The following KCNC4 variants were observed in gnomAD, a reference collection of about 807,000 sequenced individuals.
The protein encoded by KCNC4 is potassium voltage-gated channel subfamily C member 4, also known as voltage-gated potassium channel KCNC4.
KCNC4 carries 23 observed loss-of-function variants against 42.8 expected under a neutral mutation model. The ratio of observed to expected loss-of-function variants is 0.54; its 90% confidence interval spans 0.39 to 0.76. KCNC4 has a LOEUF of 0.76. KCNC4 is among the 30% of genes least tolerant of loss of function. The pLI is 0.00. For missense variants in KCNC4, 751 were observed against 898.2 expected (o/e 0.84, Z 2.10); for synonymous variants, 422 against 393.5 (o/e 1.07, Z -0.86).
At chr1:110,267,215 T>G (rs1659554241) in intron 1 of KCNC4, among the ~76,000 whole-genome samples, 1 of 152,224 alleles carries the variant, frequency 6.6e-6, no homozygotes, top group Admixed American at 6.5e-5. Context: ...GGAGGGCTGC[T>G]GCTGGACTCC....
intron 1 of KCNC4, among the ~76,000 whole-genome samples, chr1:110,281,811 T>C (rs950102517): frequency 1.3e-5 from 2 of 152,194 alleles, no homozygotes; most frequent in Non-Finnish European, 2.9e-5. Flanking sequence ...TTCAATCTCA[T>C]GGATGACTGA....
rs1658179620 is a variant in KCNC4 at position 110,222,952 on chromosome 1, C to T, written c.679-12C>T. 1 of 1,603,488 alleles carries T rather than the reference C, an allele frequency of 6.2e-7. No individual in the cohort carries two copies. Among genetic ancestry groups the T allele is most frequent in the Admixed American group, 1.7e-5 (1 of 59,836 alleles). ...CTGACAGCTGCCCCCTGCTCTCCTC[C>T]CCTGCCCATAGGTAGTGGCCTTTGC... On this transcript the variant is annotated splice_polypyrimidine_tract_variant and intron_variant, in intron 1 of 3. Transcript: ENST00000438661.
rs575591089 is a variant in KCNC4, at chr1:110,210,460, A to G, written c.-1040A>G. On this transcript the variant is annotated 5_prime_UTR_variant, in exon 1 of 4. Coordinates refer to ENST00000438661, the MANE Select transcript of KCNC4 (RefSeq NM_001039574.3). ...GAGCCAAGGCCGGCGCCCCGCCCGG[A>G]GATGGGCAGACGCGTAGATGGCGTG... 1.0e-3 allele frequency among the ~76,000 whole-genome samples: 153 copies of G among 150,922 alleles called. No individual in the cohort carries two copies. The highest frequency in any genetic ancestry group is 3.6e-3 in the African/African-American group (147 of 41,204).
exon 4 of KCNC4, chr1:110,243,502 C>G (rs1216485259): frequency 1.3e-5 from 2 of 152,452 alleles, no homozygotes; most frequent in Non-Finnish European, 2.9e-5. Context: ...GGAGCTGCCC[C>G]AAGTCCTTTC....
chr1:110,230,555 G>A (rs193094758), intron 3 of KCNC4, among the ~76,000 whole-genome samples: 5 of 152,176 alleles, frequency 3.3e-5, no homozygotes, highest in Admixed American at 6.5e-5. Flanking sequence ...AAGTTTCCAC[G>A]GCACCCACCG....
chr1:110,272,678 TATCTTACAGTTA>T (rs1659654244), intron 1 of KCNC4: 1 of 149,430 alleles, frequency 6.7e-6, no homozygotes, highest in Admixed American at 6.8e-5. Context: ...AGTGAATAGG[TATCTTACAGTTA>T]GGGTGAGAGA....
intron 1 of KCNC4, among the ~76,000 whole-genome samples, chr1:110,215,305 G>T (rs891920455): frequency 6.6e-6 from 1 of 152,206 alleles, no homozygotes; most frequent in Non-Finnish European, 1.5e-5. Flanking sequence ...CTGTGGTTCC[G>T]TTTCTGTGGC....
intron 3 of KCNC4, among the ~76,000 whole-genome samples, chr1:110,231,519 T>C (rs1343218533): frequency 6.6e-6 from 1 of 152,108 alleles, no homozygotes. Context: ...TGACTCCTTC[T>C]GTCTCATCCT....
chr1:110,214,762 C>T (rs1353452218), intron 1 of KCNC4, among the ~76,000 whole-genome samples: 1 of 152,224 alleles, frequency 6.6e-6, no homozygotes, highest in Non-Finnish European at 1.5e-5. Context: ...TTGTTTCTTA[C>T]TGTAGCCTGA....
At chr1:110,218,478 C>T (rs749728727) in intron 1 of KCNC4, among the ~76,000 whole-genome samples, 4 of 152,140 alleles carry the variant, frequency 2.6e-5, no homozygotes, top group Non-Finnish European at 5.9e-5. Context: ...ATCCTCCCAC[C>T]CGTTATCTCC....
chr1:110,224,510 T>C (rs889210444), intron 2 of KCNC4: 1 of 152,778 alleles, frequency 6.5e-6, no homozygotes, highest in Non-Finnish European at 1.5e-5. Context: ...ACAAGCTAGA[T>C]TGAGTCCTGG....
intron 1 of KCNC4, among the ~76,000 whole-genome samples, chr1:110,281,172 C>T (rs771354519): frequency 3.3e-5 from 5 of 152,124 alleles, no homozygotes; most frequent in Non-Finnish European, 5.9e-5. Context: ...TGGCTCTGGG[C>T]CAAAGCAATC....
Position 110,210,497 on chromosome 1 carries a change from C to G in KCNC4, c.-1003C>G, listed in dbSNP as rs2100969942. 6.6e-6 allele frequency among the ~76,000 whole-genome samples: 1 copy of G among 151,584 alleles called. No individual in the cohort carries two copies. Among genetic ancestry groups the G allele is most frequent in the Middle Eastern group, 3.4e-3 (1 of 292 alleles). On this transcript the variant is annotated 5_prime_UTR_variant, in exon 1 of 4. Transcript: ENST00000438661. ...GCGTAGATGGCGTGGCTCCCAGCGC[C>G]GCCAGATCGCAGGAACCAGGCGCCG...
rs561508073 is a variant in KCNC4, at chr1:110,223,033, G to A, written c.748G>A (p.Ala250Thr). The change falls in exon 2 of 4, where the codon GCC becomes ACC. Residue 250 changes from alanine (A) to threonine (T), a missense_variant. By Grantham distance (58) the Ala-to-Thr change is moderately conservative. Around this residue, in one of 4 missense-constraint regions of KCNC4, gnomAD observed 181 missense variants for 167.3 expected, o/e 1.08. Coordinates refer to ENST00000438661, the MANE Select transcript of KCNC4 (RefSeq NM_001039574.3). The surrounding 1 kb of genome is among the most constrained non-coding windows in gnomAD (Gnocchi z 7.5). ...ITTFCLETHEAFNIDRNVTEI... is the reference protein window; with the variant it reads ...ITTFCLETHETFNIDRNVTEI... The stretch of plus-strand genomic sequence containing the variant: ...CACTTTCTGCCTGGAGACCCATGAG[G>A]CCTTTAATATCGACCGCAACGTGAC... 17 of 1,614,116 alleles carry A rather than the reference G, an allele frequency of 1.1e-5. 1 individual carries two copies. In the South Asian group the frequency reaches 1.9e-4, roughly 18 times the overall value.
At chr1:110,279,546 C>T (rs1278405437) in intron 1 of KCNC4, among the ~76,000 whole-genome samples, 1 of 152,194 alleles carries the variant, frequency 6.6e-6, no homozygotes, top group East Asian at 1.9e-4. Context: ...CAATTCATAG[C>T]TTTCCATCTG....
In KCNC4 at chr1:110,211,417, C is replaced by G. The variant is rs559671892; in HGVS notation, c.-83C>G. The G allele has an allele frequency of 2.6e-5, 39 of 1,494,382 alleles. No homozygotes were observed. In the African/African-American group the frequency reaches 4.6e-4, roughly 18 times the overall value. The allele number at this position is 1,494,382 out of a possible 1,614,324, so 92.6% of individuals were successfully genotyped here. ...TCCTGCCTCCTCTTCGTCTCCTCCC[C>G]CTCCCCCGTCTGACGCTGCCTCCTC... is the stretch of plus-strand genomic sequence containing the variant. On this transcript the variant is annotated 5_prime_UTR_variant, in exon 1 of 4. Transcript: ENST00000438661. The surrounding 1 kb of genome is among the most constrained non-coding windows in gnomAD (Gnocchi z 6.5).
chr1:110,269,701 C>A (rs1471880902), intron 1 of KCNC4, among the ~76,000 whole-genome samples: 1 of 147,426 alleles, frequency 6.8e-6, no homozygotes, highest in African/African-American at 2.5e-5. Flanking sequence ...ATATATTTAA[C>A]TTTTTTTTTT....
chr1:110,245,499 C>T (rs1226413937), exon 4 of KCNC4: 2 of 152,202 alleles, frequency 1.3e-5, no homozygotes, highest in Non-Finnish European at 2.9e-5. Context: ...GAAGACTTAT[C>T]TCCGGTCAGT....
chr1:110,231,915 A>C (rs1658712736), intron 3 of KCNC4, among the ~76,000 whole-genome samples: 1 of 152,156 alleles, frequency 6.6e-6, no homozygotes, highest in Non-Finnish European at 1.5e-5. Flanking sequence ...CCAGGATGGA[A>C]GCTGTGAGGT....
Sources: gnomAD v4.1 joint callset for allele counts (sites outside exome capture counted in the v4.1 genomes callset) on GRCh38, gnomAD v4.1.1 for gene constraint, gnomAD v4.1.1 regional missense constraint, Gnocchi (gnomAD v3.1) non-coding constraint, MANE v1.5 for transcripts, NCBI Gene and HGNC (gene_info 2026-07-23, HGNC 2026-07-21) for gene names.